The following BORCS5 variants were observed in gnomAD, a reference collection of about 807,000 sequenced individuals.
BORCS5 encodes the protein BLOC-1-related complex subunit 5.
Under a neutral mutation model 22.1 loss-of-function variants are expected in BORCS5, and 17 were observed. That is an observed-to-expected ratio of 0.77 (90% CI 0.53 to 1.15). BORCS5 has a LOEUF of 1.15. BORCS5 is among the 50% of genes most tolerant of loss of function. BORCS5 has a pLI of 0.00. For synonymous variants in BORCS5, 117 were observed against 99.8 expected (o/e 1.17, Z -1.03); for missense variants, 247 against 253.2 (o/e 0.98, Z 0.17).
In BORCS5 at chr12:12,468,491, G is replaced by T. The variant is rs1249349891; in HGVS notation, c.*2715G>T. 6.6e-6 allele frequency: 1 copy of T among 152,244 alleles called. No homozygotes were observed. The highest frequency in any genetic ancestry group is 1.5e-5 in the Non-Finnish European group (1 of 68,066). The allele number at this position is 152,244 out of a possible 1,614,324, so 9.4% of individuals were successfully genotyped here. A position where few individuals can be genotyped will look rare whatever the true frequency, so the allele number is the denominator to read the frequency against. ...AGCCATTTCATTTCCCTGAGCCTCA[G>T]TTTCCGCCTTCCTACAGCGTGAGCA... On this transcript the variant is annotated 3_prime_UTR_variant, in exon 4 of 4. Transcript: ENST00000314565.
At chr12:12,430,043 T>C (rs1942381636) in intron 2 of BORCS5, among the ~76,000 whole-genome samples, 1 of 152,184 alleles carries the variant, frequency 6.6e-6, no homozygotes, top group Non-Finnish European at 1.5e-5. Flanking sequence ...AAGAACCTTT[T>C]ATGTACTAGG....
At chr12:12,438,045 T>A (rs1942590790) in intron 3 of BORCS5, among the ~76,000 whole-genome samples, 1 of 152,186 alleles carries the variant, frequency 6.6e-6, no homozygotes, top group Non-Finnish European at 1.5e-5. Flanking sequence ...TACCATTTTT[T>A]ACAGTTGTGC....
chr12:12,357,084 G>C lies in BORCS5; in HGVS notation c.-368G>C. The C allele has an allele frequency of 1.3e-6, 2 of 1,533,756 alleles. No individual in the cohort carries two copies. The highest frequency in any genetic ancestry group is 1.7e-6 in the Non-Finnish European group (2 of 1,145,470). On this transcript the variant is annotated 5_prime_UTR_variant, in exon 1 of 4. Coordinates refer to ENST00000314565, the MANE Select transcript of BORCS5 (RefSeq NM_058169.6). ...TGCGTAGCCGGCACCGCCCATCTGC[G>C]TCCCGGAAGGAGCGAGCTTGCGGAG...
chr12:12,410,057 A>G (rs1454634690), intron 2 of BORCS5, among the ~76,000 whole-genome samples: 5 of 151,726 alleles, frequency 3.3e-5, no homozygotes, highest in African/African-American at 4.9e-5. Context: ...CATATCCTTC[A>G]CCCACTTTTT....
At chr12:12,425,853 C>CCTGGTAAA (rs1303822032) in intron 2 of BORCS5, among the ~76,000 whole-genome samples, 2,050 of 152,276 alleles carry the variant, frequency 0.013, 37 homozygotes, top group African/African-American at 0.046. Flanking sequence ...GTAGGATAGG[C>CCTGGTAAA]CAGTCATACA....
chr12:12,467,984 T>G lies in BORCS5; in HGVS notation c.*2208T>G, dbSNP rs527749546. ...GGGCCGGGTATGAGAACCAGCTTCT[T>G]GGTCTGCAGCCACAAGGATGAAGGT... is the stretch of plus-strand genomic sequence containing the variant. On this transcript the variant is annotated 3_prime_UTR_variant, in exon 4 of 4. Transcript: ENST00000314565. 3 of 152,362 alleles carry G rather than the reference T, an allele frequency of 2.0e-5. No individual in the cohort carries two copies. The highest frequency in any genetic ancestry group is 7.2e-5 in the African/African-American group (3 of 41,574). The allele number at this position is 152,362 out of a possible 1,614,324, so 9.4% of individuals were successfully genotyped here.
At chr12:12,410,817 C>T (rs1474460580) in intron 2 of BORCS5, among the ~76,000 whole-genome samples, 2 of 152,116 alleles carry the variant, frequency 1.3e-5, no homozygotes, top group Non-Finnish European at 2.9e-5. Flanking sequence ...TTACCTTGGG[C>T]AGTATGGCCA....
chr12:12,366,485 TTC>T (rs1016327856), intron 2 of BORCS5, among the ~76,000 whole-genome samples: 1 of 152,226 alleles, frequency 6.6e-6, no homozygotes, highest in Non-Finnish European at 1.5e-5. Flanking sequence ...TCAAAGGGAT[TTC>T]TGTTTTTCAT....
At chr12:12,402,797 T>G (rs1941507553) in intron 2 of BORCS5, among the ~76,000 whole-genome samples, 1 of 152,246 alleles carries the variant, frequency 6.6e-6, no homozygotes, top group Non-Finnish European at 1.5e-5. Flanking sequence ...TCTATTAGCT[T>G]CTACTGTAAT....
At chr12:12,429,279 C>T (rs866948656) in intron 2 of BORCS5, among the ~76,000 whole-genome samples, 8 of 152,174 alleles carry the variant, frequency 5.3e-5, no homozygotes, top group African/African-American at 1.9e-4. Context: ...GCGTAGCTAT[C>T]AATACGAGAG....
chr12:12,427,113 C>T (rs10845539), intron 2 of BORCS5, among the ~76,000 whole-genome samples: 94,293 of 151,360 alleles, frequency 0.62, 30,577 homozygotes, highest in African/African-American at 0.79. Flanking sequence ...CAATCACTAA[C>T]GCACATCACA....
chr12:12,382,228 T>A (rs1029949414), intron 2 of BORCS5, among the ~76,000 whole-genome samples: 4 of 151,242 alleles, frequency 2.6e-5, no homozygotes, highest in African/African-American at 9.7e-5. Flanking sequence ...CAGAAAACTT[T>A]CAATCATGGA....
chr12:12,428,843 C>T (rs945993257), intron 2 of BORCS5, among the ~76,000 whole-genome samples: 1 of 152,042 alleles, frequency 6.6e-6, no homozygotes, highest in Non-Finnish European at 1.5e-5. Context: ...CATTTTTCCC[C>T]TACTTTTCTA....
At chr12:12,463,006 A>G (rs1319525209) in intron 3 of BORCS5, among the ~76,000 whole-genome samples, 1 of 152,146 alleles carries the variant, frequency 6.6e-6, no homozygotes, top group Non-Finnish European at 1.5e-5. Context: ...GTGATATCAT[A>G]ACACCTCTGC....
At chr12:12,399,036 G>T (rs909594669) in intron 2 of BORCS5, among the ~76,000 whole-genome samples, 1 of 152,174 alleles carries the variant, frequency 6.6e-6, no homozygotes, top group African/African-American at 2.4e-5. Flanking sequence ...CCCAGTCTCT[G>T]CGATGGCCAG....
At position 12,357,191 on chromosome 12, in the gene BORCS5, C is replaced by A; in HGVS notation, c.-261C>A. ...GTGTCATCTGCCGGTTCTCTTAGGG[C>A]TCCCGGAAAGAAGGAGGGCTAGCCG... On this transcript the variant is annotated 5_prime_UTR_variant, in exon 1 of 4. Coordinates refer to ENST00000314565, the MANE Select transcript of BORCS5 (RefSeq NM_058169.6). The A allele has an allele frequency of 6.6e-7, 1 of 1,514,846 alleles. No individual in the cohort carries two copies. 93.8% of individuals were successfully genotyped at this position (1,514,846 alleles called of 1,614,324 possible).
Position 12,414,798 on chromosome 12 carries a change from C to T in BORCS5, c.203-20830C>T, listed in dbSNP as rs1328175200. ...GGGGCTCCTCACTTCTCAGACGGGG[C>T]GGTTGCCAGGCAGAGGGTTTCCTCA... On this transcript the variant is annotated intron_variant, in intron 2 of 3. Coordinates refer to ENST00000314565, the MANE Select transcript of BORCS5 (RefSeq NM_058169.6). Among the ~76,000 whole-genome samples, 33 of 135,982 alleles carry T rather than the reference C, an allele frequency of 2.4e-4. No individual in the cohort carries two copies. In the East Asian group the frequency reaches 4.6e-3, roughly 19 times the overall value. The allele number at this position is 135,982 out of a possible 152,430, so 89.2% of individuals were successfully genotyped here.
chr12:12,370,353 C>T (rs1309931198), intron 2 of BORCS5, among the ~76,000 whole-genome samples: 2 of 151,790 alleles, frequency 1.3e-5, no homozygotes, highest in Non-Finnish European at 2.9e-5. Flanking sequence ...TCTATCTGAA[C>T]TTTTTTTTGC....
chr12:12,358,693 C>T (rs769553833), intron 1 of BORCS5, among the ~76,000 whole-genome samples: 4 of 152,164 alleles, frequency 2.6e-5, no homozygotes, highest in Non-Finnish European at 5.9e-5. Context: ...CATACATTTA[C>T]ATATAATTTT....
Sources: gnomAD v4.1 joint callset for allele counts (sites outside exome capture counted in the v4.1 genomes callset) on GRCh38, gnomAD v4.1.1 for gene constraint, MANE v1.5 for transcripts, NCBI Gene and HGNC (gene_info 2026-07-23, HGNC 2026-07-21) for gene names.